The following FAM149B1 variants were observed in gnomAD, a reference collection of about 807,000 sequenced individuals.
FAM149B1 encodes family with sequence similarity 149 member B1, also known as primary cilium assembly protein FAM149B1.
FAM149B1 carries 56 observed loss-of-function variants against 75.3 expected under a neutral mutation model. That is an observed-to-expected ratio of 0.74 (90% CI 0.60 to 0.93). The LOEUF (loss-of-function observed/expected upper bound fraction) is 0.93. Among genes scored for constraint, FAM149B1 ranks in the 40% least tolerant of loss-of-function variants. The pLI is 0.00. For missense variants in FAM149B1, 639 were observed against 708.4 expected (o/e 0.90, Z 1.11); for synonymous variants, 259 against 256.1 (o/e 1.01, Z -0.11).
intron 1 of FAM149B1, among the ~76,000 whole-genome samples, chr10:73,169,965 T>C (rs1344378624): frequency 6.6e-6 from 1 of 151,734 alleles, no homozygotes; most frequent in Non-Finnish European, 1.5e-5. Flanking sequence ...TAATTAAATA[T>C]TAACTTTTCC....
At chr10:73,181,905 T>A (rs1403008583) in intron 3 of FAM149B1, among the ~76,000 whole-genome samples, 2 of 152,216 alleles carry the variant, frequency 1.3e-5, no homozygotes, top group Non-Finnish European at 2.9e-5. Context: ...ATATTTCCTT[T>A]ATATATCTGG....
At chr10:73,237,818 G>C (rs989361511) in intron 12 of FAM149B1, among the ~76,000 whole-genome samples, 1 of 151,902 alleles carries the variant, frequency 6.6e-6, no homozygotes, top group East Asian at 1.9e-4. Context: ...CAAACTCCTG[G>C]GCTCAAGTGA....
At chr10:73,218,761 C>T (rs989596294) in intron 7 of FAM149B1, among the ~76,000 whole-genome samples, 3 of 152,082 alleles carry the variant, frequency 2.0e-5, no homozygotes, top group Non-Finnish European at 2.9e-5. Context: ...ATCACTCTGT[C>T]CAATGTTAGC....
chr10:73,214,049 A>G (rs1055013220), intron 7 of FAM149B1, among the ~76,000 whole-genome samples: 5 of 152,164 alleles, frequency 3.3e-5, no homozygotes, highest in Admixed American at 2.6e-4. Context: ...ATGCTTAAAT[A>G]TAATCCTGGA....
intron 1 of FAM149B1, 106 bp downstream of exon 1, chr10:73,168,492 T>C (rs977952144): frequency 1.5e-6 from 2 of 1,352,518 alleles, no homozygotes; most frequent in Admixed American, 4.7e-5. Flanking sequence ...TGGGGAGAGA[T>C]TTTTCTTCGG....
intron 5 of FAM149B1, among the ~76,000 whole-genome samples, chr10:73,198,979 T>TAGGAAG (rs747221786): frequency 4.5e-4 from 68 of 152,248 alleles, no homozygotes; most frequent in Non-Finnish European, 6.9e-4. Context: ...ATCACTTTCA[T>TAGGAAG]TAGAGATGCG....
Position 73,174,694 on chromosome 10 carries a change from A to T in FAM149B1, c.55A>T (p.Ile19Leu), listed in dbSNP as rs1357373262. 2.6e-6 allele frequency: 4 copies of T among 1,548,672 alleles called. No individual in the cohort carries two copies. In the Admixed American group the frequency reaches 7.9e-5, roughly 30 times the overall value. Residue 19 changes from isoleucine to leucine, a missense_variant, in exon 2 of 14, where the codon ATA becomes TTA. Physicochemically the swap from Ile to Leu is conservative, Grantham distance 5. Coordinates refer to ENST00000242505, the MANE Select transcript of FAM149B1 (RefSeq NM_173348.2). Reference sequence around the variant, plus strand: ...TTGTTTTGTCTTTCACAGGAAAGGAATAACAAAACATGCTCTTAACCATCA... The same window carrying T: ...TTGTTTTGTCTTTCACAGGAAAGGATTAACAAAACATGCTCTTAACCATCA... ...AVPQSLELKG[I>L]TKHALNHHPP... is the part of the protein sequence containing the mutation.
chr10:73,177,834 T>G lies in FAM149B1; in HGVS notation c.153-12T>G, dbSNP rs184006547. 7 of 1,540,348 alleles carry G rather than the reference T, an allele frequency of 4.5e-6. No homozygotes were observed. In the East Asian group the frequency reaches 1.5e-4, roughly 32 times the overall value. ...TTCTTTTTTCTCTCCTCCTCCCAAA[T>G]TGTGCCTTTAGCAAGTCTGACATCA... On this transcript the variant is annotated splice_polypyrimidine_tract_variant and intron_variant, in intron 2 of 13. Transcript: ENST00000242505.
chr10:73,200,774 C>A, intron 5 of FAM149B1: 3 of 466,826 alleles, frequency 6.4e-6, no homozygotes, highest in Non-Finnish European at 1.3e-5. Context: ...CAGTGTTGAG[C>A]AGGAGGAATG....
intron 13 of FAM149B1, 121 bp from the exon 14 acceptor site, chr10:73,240,825 C>T (rs2043932984): frequency 1.6e-6 from 1 of 621,816 alleles, no homozygotes; most frequent in Non-Finnish European, 2.9e-6. Flanking sequence ...AACTAGTTTA[C>T]TGCTTTCATA....
At chr10:73,173,552 A>G (rs894290069) in intron 1 of FAM149B1, among the ~76,000 whole-genome samples, 3 of 152,178 alleles carry the variant, frequency 2.0e-5, no homozygotes, top group African/African-American at 7.2e-5. Flanking sequence ...GTTTTGTCCA[A>G]TGTACCATTA....
chr10:73,170,789 TA>T (rs200201015), intron 1 of FAM149B1, among the ~76,000 whole-genome samples: 8 of 149,934 alleles, frequency 5.3e-5, no homozygotes, highest in East Asian at 1.9e-4. Flanking sequence ...TGTTCCTACT[TA>T]AAAAAAAAAT....
At chr10:73,222,439 G>A (rs1337168916) in intron 7 of FAM149B1, among the ~76,000 whole-genome samples, 1 of 151,486 alleles carries the variant, frequency 6.6e-6, no homozygotes, top group African/African-American at 2.4e-5. Flanking sequence ...TTTTTTCCTA[G>A]CCTCAGGTGG....
intron 5 of FAM149B1, among the ~76,000 whole-genome samples, chr10:73,199,541 GTTGT>G (rs1001030013): frequency 1.3e-5 from 2 of 151,344 alleles, no homozygotes; most frequent in Non-Finnish European, 2.9e-5. Flanking sequence ...TTTTTATTTG[GTTGT>G]TTGTTTTAGG....
chr10:73,182,778 A>G (rs897229731), intron 3 of FAM149B1, among the ~76,000 whole-genome samples: 2 of 152,236 alleles, frequency 1.3e-5, no homozygotes, highest in Non-Finnish European at 2.9e-5. Flanking sequence ...TGGAGCAGAG[A>G]TAAGCCATTC....
At chr10:73,235,459 T>C in intron 12 of FAM149B1, 141 bp downstream of exon 12, 3 of 1,445,690 alleles carry the variant, frequency 2.1e-6, no homozygotes, top group South Asian at 1.5e-5. Context: ...AAAAGTGTTA[T>C]AAATACATTT....
Position 73,168,235 on chromosome 10 carries a change from G to GGGGCC in FAM149B1, c.-97_-93dup. On this transcript the variant is annotated 5_prime_UTR_variant, in exon 1 of 14. Transcript: ENST00000242505. ...GAGACGGGGCCGGTAGGTGGCGGGA[G>GGGGCC]GGGCCGGGCCGGAGCCGGCGGGAGG... 7.8e-7 allele frequency: 1 copy of GGGGCC among 1,274,380 alleles called. No homozygotes were observed. The highest frequency in any genetic ancestry group is 1.5e-5 in the South Asian group (1 of 67,664). The allele number at this position is 1,274,380 out of a possible 1,614,324, so 78.9% of individuals were successfully genotyped here.
At chr10:73,201,096 G>T in intron 5 of FAM149B1, 1 of 277,470 alleles carries the variant, frequency 3.6e-6, no homozygotes, top group South Asian at 4.9e-5. Flanking sequence ...TTGGCAGAGG[G>T]GTCAATTTGG....
At chr10:73,180,404 C>T (rs938514066) in intron 3 of FAM149B1, among the ~76,000 whole-genome samples, 5 of 152,198 alleles carry the variant, frequency 3.3e-5, no homozygotes, top group African/African-American at 1.2e-4. Flanking sequence ...GGGACTAGAT[C>T]ATTAGGGCCC....
Sources: allele counts gnomAD v4.1 joint callset (sites outside exome capture counted in the v4.1 genomes callset), GRCh38; gene constraint gnomAD v4.1.1; transcripts MANE v1.5; gene names NCBI Gene and HGNC (gene_info 2026-07-23, HGNC 2026-07-21).